FAM13B: variants seen among roughly 807,000 people sequenced by gnomAD.
FAM13B encodes the protein protein FAM13B.
FAM13B carries 60 observed loss-of-function variants against 117.3 expected under a neutral mutation model. The observed-to-expected ratio is 0.51, with a 90% confidence interval of 0.42 to 0.63. The LOEUF is 0.63. Ranked by LOEUF, FAM13B falls within the 30% of genes least tolerant of loss-of-function variation. The pLI, the probability that FAM13B is intolerant of heterozygous loss-of-function variation, is 0.00. For missense variants in FAM13B, 972 were observed against 1,091.9 expected (o/e 0.89, Z 1.55); for synonymous variants, 332 against 356.1 (o/e 0.93, Z 0.76).
rs1364999169 is a variant in FAM13B at position 137,955,008 on chromosome 5, T to G, written c.1508-632A>C. Among the ~76,000 whole-genome samples the G allele has an allele frequency of 9.2e-5, 14 of 152,310 alleles. No individual in the cohort carries two copies. The South Asian group carries it at 2.1e-3, about 23-fold the overall frequency. On this transcript the variant is annotated intron_variant, in intron 14 of 23. Transcript: ENST00000689681. ...TTGTCAAGCTCTTTAAAACTCAATTTAATTCTAAAGATGTTATTTAATATA... is the reference window on the plus strand; with the variant it reads ...TTGTCAAGCTCTTTAAAACTCAATTGAATTCTAAAGATGTTATTTAATATA...
Position 138,011,913 on chromosome 5 carries a change from A to T in FAM13B, c.403T>A (p.Leu135Met), listed in dbSNP as rs762398132. 5 of 1,592,020 alleles carry T rather than the reference A, an allele frequency of 3.1e-6. No individual in the cohort carries two copies. Among genetic ancestry groups the T allele is most frequent in the Non-Finnish European group, 4.3e-6 (5 of 1,173,858 alleles). Residue 135 changes from leucine (L) to methionine (M), a missense_variant, in exon 5 of 24, where the codon TTG (leucine) becomes ATG (methionine). Transcript: ENST00000689681. ...YNNEDEFGRKLRFLLQQLPPV... is the reference protein window; with the variant it reads ...YNNEDEFGRKMRFLLQQLPPV... Reference sequence around the variant, plus strand: ...GGAAGCTGTTGCAAGAGGAACCTCAACTTTCTTCCAAATTCATCTTCATTA... The same window carrying T: ...GGAAGCTGTTGCAAGAGGAACCTCATCTTTCTTCCAAATTCATCTTCATTA...
intron 10 of FAM13B, among the ~76,000 whole-genome samples, chr5:137,984,819 A>G (rs1776752167): frequency 6.6e-6 from 1 of 150,866 alleles, no homozygotes; most frequent in East Asian, 1.9e-4. Context: ...CCCAGGCTGG[A>G]GTGCAATGGC....
chr5:137,954,213 A>G lies in FAM13B; in HGVS notation c.1671T>C (p.His557=). Residue 557 remains histidine, a synonymous_variant, in exon 15 of 24, where the codon CAT becomes CAC. Transcript: ENST00000689681. ...LDFGQSQRFL[H]DPEKLDSSSK... ...ATGAGGAATCCAACTTTTCTGGATC[A>G]TGTAGGAAACGCTGGCTTTGACCAA... The G allele has an allele frequency of 6.2e-7, 1 of 1,614,112 alleles. No homozygotes were observed. The highest frequency in any genetic ancestry group is 8.5e-7 in the Non-Finnish European group (1 of 1,180,018).
rs1785951499 is a variant in FAM13B at position 138,019,036 on chromosome 5, C to G, written c.76G>C (p.Asp26His). The change falls in exon 3 of 24, where the codon GAT (aspartate) becomes CAT (histidine). Residue 26 changes from aspartate to histidine, a missense_variant. Asp to His is a moderately conservative substitution (Grantham distance 81, BLOSUM62 -1). Coordinates refer to ENST00000689681, the MANE Select transcript of FAM13B (RefSeq NM_001385994.1). ...GGATGTCCTCCCTGCTGCAGCTCATCAAGTGGAATTCCAAATATTTTGTTA... is the reference window on the plus strand; with the variant it reads ...GGATGTCCTCCCTGCTGCAGCTCATGAAGTGGAATTCCAAATATTTTGTTA... ...LANKIFGIPL[D>H]ELQQGGHPDN... The G allele has an allele frequency of 6.2e-7, 1 of 1,613,976 alleles. No individual in the cohort carries two copies. The highest frequency in any genetic ancestry group is 1.7e-5 in the Admixed American group (1 of 59,986).
chr5:138,051,076 T>A (rs1015952084), intron 1 of FAM13B, among the ~76,000 whole-genome samples: 1 of 152,014 alleles, frequency 6.6e-6, no homozygotes, highest in Non-Finnish European at 1.5e-5. Context: ...TTCCTCTACT[T>A]CCCCCAAAAG....
intron 10 of FAM13B, among the ~76,000 whole-genome samples, chr5:137,970,545 G>A (rs1771769964): frequency 1.3e-5 from 2 of 151,902 alleles, no homozygotes; most frequent in African/African-American, 4.8e-5. Context: ...GGAAGAAACT[G>A]TGTCAATTAA....
intron 23 of FAM13B, among the ~76,000 whole-genome samples, chr5:137,941,703 A>G (rs966629365): frequency 1.7e-4 from 26 of 152,228 alleles, no homozygotes; most frequent in Admixed American, 1.4e-3. Flanking sequence ...AAATCACTGC[A>G]ATACAACCAA....
chr5:138,006,924 G>A, intron 7 of FAM13B, 66 bp downstream of exon 7: 1 of 1,418,354 alleles, frequency 7.1e-7, no homozygotes. Flanking sequence ...GTTTCTGAAT[G>A]CTGGAGTGAG....
Position 137,942,888 on chromosome 5 carries a change from G to C in FAM13B, c.2575C>G (p.Arg859Gly). 1 of 1,608,274 alleles carries C rather than the reference G, an allele frequency of 6.2e-7. No homozygotes were observed. Among genetic ancestry groups the C allele is most frequent in the East Asian group, 2.2e-5 (1 of 44,846 alleles). The change falls in exon 22 of 24, where the codon CGA (arginine) becomes GGA (glycine). Residue 859 changes from arginine to glycine, a missense_variant. Transcript: ENST00000689681. ...LALDLRLSSSRAASMPELLEQ... is the reference protein window; with the variant it reads ...LALDLRLSSSGAASMPELLEQ... ...CAGCATACATACATAGAAGCTGCTC[G>C]AGAACTTGACAATCGGAGATCCAGA...
At chr5:137,947,450 T>TAAAACTA (rs1428355751) in intron 18 of FAM13B, among the ~76,000 whole-genome samples, 1 of 152,096 alleles carries the variant, frequency 6.6e-6, no homozygotes, top group East Asian at 1.9e-4. Context: ...ACATAAAACT[T>TAAAACTA]AAAACTAAAA....
intron 10 of FAM13B, among the ~76,000 whole-genome samples, chr5:137,966,486 TATAGAG>T (rs1367553783): frequency 0.023 from 1,014 of 43,944 alleles, 1 homozygote; most frequent in African/African-American, 0.03. Flanking sequence ...TATATATATA[TATAGAG>T]AGAGAGAGAG....
At chr5:138,018,593 T>G in intron 3 of FAM13B, 79 bp from the exon 4 acceptor site, 1 of 1,314,756 alleles carries the variant, frequency 7.6e-7, no homozygotes, top group South Asian at 1.3e-5. Context: ...CCAATTAACT[T>G]AAAATACTCA....
chr5:137,989,619 A>G (rs911507512), intron 7 of FAM13B, among the ~76,000 whole-genome samples: 6 of 152,066 alleles, frequency 3.9e-5, no homozygotes, highest in African/African-American at 1.4e-4. Context: ...GAAACCAGGA[A>G]TTCAAGACCA....
rs1439702036 is a variant in FAM13B at position 137,954,264 on chromosome 5, T to C, written c.1620A>G (p.Pro540=). 6.2e-7 allele frequency: 1 copy of C among 1,614,124 alleles called. No homozygotes were observed. The highest frequency in any genetic ancestry group is 1.7e-5 in the Admixed American group (1 of 60,016). Residue 540 remains proline (P), a synonymous_variant, in exon 15 of 24, where the codon CCA becomes CCG. Transcript: ENST00000689681. The stretch of plus-strand genomic sequence containing the variant: ...AATCTAAACTGCGGTGTGATAATAC[T>C]GGAGGACAGTCCTCTTCCAAGGGGT... The part of the protein sequence containing the change: ...NHHPLEEDCP[P]VLSHRSLDFG...
chr5:138,017,938 T>C (rs746113010), intron 4 of FAM13B, among the ~76,000 whole-genome samples: 2 of 152,218 alleles, frequency 1.3e-5, no homozygotes, highest in Admixed American at 6.5e-5. Context: ...AGTGGTAATA[T>C]CACCACTAAG....
At chr5:137,960,762 T>A (rs1264700587) in intron 11 of FAM13B, among the ~76,000 whole-genome samples, 2 of 152,212 alleles carry the variant, frequency 1.3e-5, no homozygotes, top group African/African-American at 4.8e-5. Flanking sequence ...AAGGAAATTT[T>A]AAAAAATTTC....
chr5:137,989,851 A>G (rs574152252), intron 7 of FAM13B, among the ~76,000 whole-genome samples: 4 of 152,058 alleles, frequency 2.6e-5, no homozygotes, highest in African/African-American at 9.7e-5. Flanking sequence ...TAAAACAACT[A>G]AAGTTTTTTG....
Position 137,941,944 on chromosome 5 carries a change from C to T in FAM13B, c.2690G>A (p.Arg897Lys), listed in dbSNP as rs1761977599. The T allele has an allele frequency of 1.2e-6, 2 of 1,611,274 alleles. No homozygotes were observed. Among genetic ancestry groups the T allele is most frequent in the African/African-American group, 1.3e-5 (1 of 74,810 alleles). The change falls in exon 23 of 24, where the codon AGG (arginine) becomes AAG (lysine). Residue 897 changes from arginine to lysine, a missense_variant and splice_region_variant. Physicochemically the swap from Arg to Lys is conservative, Grantham distance 26 (BLOSUM62 2). Transcript: ENST00000689681. ...FEEAFYQQNG[R>K]NAQKEDRVPV... ...CTCAATTTTGTGATGCTCAACAAAC[C>T]TTCCATTTTGTTGATAAAATGCTTC...
chr5:137,974,219 T>C (rs1334916316), intron 10 of FAM13B, among the ~76,000 whole-genome samples: 1 of 151,546 alleles, frequency 6.6e-6, no homozygotes. Context: ...TGTCCAACAA[T>C]GATAGACTGG....
Sources: gnomAD v4.1 joint callset for allele counts (sites outside exome capture counted in the v4.1 genomes callset) on GRCh38, gnomAD v4.1.1 for gene constraint, MANE v1.5 for transcripts, NCBI Gene and HGNC (gene_info 2026-07-23, HGNC 2026-07-21) for gene names.